The following MARCHF1 variants were observed in gnomAD, a reference collection of about 807,000 sequenced individuals.
MARCHF1 encodes the protein E3 ubiquitin-protein ligase MARCHF1.
A neutral mutation model predicts 54.2 loss-of-function variants in MARCHF1; 40 were observed. The observed-to-expected ratio is 0.74, with a 90% confidence interval of 0.57 to 0.96. The LOEUF (loss-of-function observed/expected upper bound fraction) is 0.96, where lower values mean the gene tolerates loss of function less well. MARCHF1 is among the 40% of genes least tolerant of loss of function. MARCHF1 has a pLI of 0.00. For synonymous variants in MARCHF1, 236 were observed against 236.3 expected (o/e 1.00, Z 0.01); for missense variants, 586 against 656.5 (o/e 0.89, Z 1.17).
At chr4:164,280,821 A>G (rs1734007514) in intron 1 of MARCHF1, among the ~76,000 whole-genome samples, 1 of 152,110 alleles carries the variant, frequency 6.6e-6, no homozygotes, top group Non-Finnish European at 1.5e-5. Context: ...ATACATTTCT[A>G]TTTTCCTATT....
chr4:163,674,077 C>T (rs996861849), intron 5 of MARCHF1, among the ~76,000 whole-genome samples: 4 of 152,156 alleles, frequency 2.6e-5, no homozygotes, highest in Non-Finnish European at 4.4e-5. Context: ...TCCTTTTAAG[C>T]TCCTCTCCTT....
At chr4:164,189,633 T>TC in intron 1 of MARCHF1, 1 of 915,780 alleles carries the variant, frequency 1.1e-6, no homozygotes, top group African/African-American at 1.6e-5. Flanking sequence ...TTGATGTATG[T>TC]CCCCTTACAT....
intron 2 of MARCHF1, among the ~76,000 whole-genome samples, chr4:164,085,080 ACT>A (rs1373355399): frequency 6.6e-6 from 1 of 151,736 alleles, no homozygotes; most frequent in Non-Finnish European, 1.5e-5. Flanking sequence ...TTTTCTCTCC[ACT>A]TCCTCTTTTA....
chr4:164,334,988 C>T (rs1013359449), intron 1 of MARCHF1, among the ~76,000 whole-genome samples: 1 of 152,100 alleles, frequency 6.6e-6, no homozygotes, highest in African/African-American at 2.4e-5. Flanking sequence ...ACTGAATTAC[C>T]GCAATCTGAT....
intron 1 of MARCHF1, among the ~76,000 whole-genome samples, chr4:164,317,673 G>C (rs1233993409): frequency 6.6e-6 from 1 of 152,162 alleles, no homozygotes; most frequent in Non-Finnish European, 1.5e-5. Flanking sequence ...CAAGAAAACG[G>C]AGTGAGTATT....
At chr4:163,852,361 A>T (rs1007209679) in intron 4 of MARCHF1, among the ~76,000 whole-genome samples, 5 of 152,174 alleles carry the variant, frequency 3.3e-5, no homozygotes, top group Non-Finnish European at 7.4e-5. Flanking sequence ...CTGCGATTCC[A>T]TGAGATAGGA....
intron 3 of MARCHF1, among the ~76,000 whole-genome samples, chr4:163,985,007 T>C (rs776251273): frequency 1.3e-5 from 2 of 152,206 alleles, no homozygotes; most frequent in African/African-American, 4.8e-5. Context: ...TTATTTCCTT[T>C]ATCAATTCCA....
At chr4:164,152,959 GTC>G (rs1579578243) in intron 1 of MARCHF1, among the ~76,000 whole-genome samples, 1 of 150,420 alleles carries the variant, frequency 6.6e-6, no homozygotes, top group East Asian at 2.0e-4. Context: ...TTTTATTGAT[GTC>G]TCTTGCCTTC....
At chr4:164,132,577 A>C (rs1441426569) in intron 1 of MARCHF1, among the ~76,000 whole-genome samples, 1 of 152,146 alleles carries the variant, frequency 6.6e-6, no homozygotes, top group East Asian at 1.9e-4. Flanking sequence ...AGTTCTGGCT[A>C]TTTTAAGCGC....
chr4:164,140,904 A>C (rs1440934573), intron 1 of MARCHF1, among the ~76,000 whole-genome samples: 3 of 152,070 alleles, frequency 2.0e-5, no homozygotes, highest in Admixed American at 1.3e-4. Flanking sequence ...TGACCTCCTA[A>C]ATTTTCTCAA....
intron 3 of MARCHF1, among the ~76,000 whole-genome samples, chr4:163,960,961 C>T (rs1752335956): frequency 6.6e-6 from 1 of 151,886 alleles, no homozygotes; most frequent in South Asian, 2.1e-4. Flanking sequence ...CACCCTGTCA[C>T]TGTGACCTCA....
chr4:163,697,003 T>C lies in MARCHF1; in HGVS notation c.162+3810A>G, dbSNP rs1212633807. On this transcript the variant is annotated intron_variant, in intron 5 of 9. Coordinates refer to ENST00000514618, the MANE Select transcript of MARCHF1 (RefSeq NM_001394959.1). ...TATTTGTATCCTTGTATCCAAAGGA[T>C]ACAAGGCAAATCAGCAAAGGGAAAA... Among the ~76,000 whole-genome samples, 3 of 152,046 alleles carry C rather than the reference T, an allele frequency of 2.0e-5. No homozygotes were observed. The East Asian group carries it at 5.8e-4, about 29-fold the overall frequency.
chr4:163,889,697 G>A (rs1415244734), intron 3 of MARCHF1, among the ~76,000 whole-genome samples: 3 of 151,782 alleles, frequency 2.0e-5, no homozygotes, highest in Non-Finnish European at 2.9e-5. Flanking sequence ...ATCATGACTC[G>A]ATCCTATTTC....
intron 1 of MARCHF1, among the ~76,000 whole-genome samples, chr4:164,320,138 C>T (rs967119570): frequency 1.3e-5 from 2 of 152,098 alleles, no homozygotes; most frequent in Non-Finnish European, 2.9e-5. Flanking sequence ...CTGCTATGTG[C>T]CAGACACTAT....
chr4:163,791,227 A>G (rs910060250), intron 4 of MARCHF1, among the ~76,000 whole-genome samples: 2 of 152,112 alleles, frequency 1.3e-5, no homozygotes, highest in African/African-American at 4.8e-5. Flanking sequence ...TACGATAGGT[A>G]TGTGGACATA....
At chr4:163,961,314 C>T (rs192374062) in intron 3 of MARCHF1, among the ~76,000 whole-genome samples, 49 of 152,028 alleles carry the variant, frequency 3.2e-4, no homozygotes, top group African/African-American at 1.1e-3. Flanking sequence ...TCTTACTGAG[C>T]ATTAATAGTC....
At chr4:163,757,411 GA>G (rs1746708448) in intron 4 of MARCHF1, among the ~76,000 whole-genome samples, 1 of 152,148 alleles carries the variant, frequency 6.6e-6, no homozygotes, top group Non-Finnish European at 1.5e-5. Context: ...TGGACATCCT[GA>G]ACATTAGCAA....
At chr4:164,302,430 A>G (rs964534898) in intron 1 of MARCHF1, among the ~76,000 whole-genome samples, 3 of 152,184 alleles carry the variant, frequency 2.0e-5, no homozygotes, top group South Asian at 2.1e-4. Flanking sequence ...ACAAATTTTA[A>G]TTTTCCAAAC....
At position 163,887,250 on chromosome 4, in the gene MARCHF1, G is replaced by A. The variant is rs143940251; in HGVS notation, c.-38-33081C>T. The stretch of plus-strand genomic sequence containing the variant: ...AGATGTATGATTGGGGAGGAGAGGG[G>A]ACATTTTTAGATGAGATCAAAAAGG... On this transcript the variant is annotated intron_variant, in intron 3 of 9. Transcript: ENST00000514618. Among the ~76,000 whole-genome samples the A allele has an allele frequency of 2.9e-3, 434 of 152,040 alleles. 6 individuals are homozygous for A. The highest frequency in any genetic ancestry group is 0.014 in the Middle Eastern group (4 of 294).
Sources: gnomAD v4.1 joint callset for allele counts (sites outside exome capture counted in the v4.1 genomes callset) on GRCh38, gnomAD v4.1.1 for gene constraint, MANE v1.5 for transcripts, NCBI Gene and HGNC (gene_info 2026-07-23, HGNC 2026-07-21) for gene names.